Variants in NECTIN1 observed in about 807,000 individuals in gnomAD.
NECTIN1 encodes the protein nectin-1.
A neutral mutation model predicts 48.0 loss-of-function variants in NECTIN1; 23 were observed. That is an observed-to-expected ratio of 0.48 (90% CI 0.34 to 0.68). NECTIN1 has a LOEUF of 0.68. Ranked by LOEUF, NECTIN1 falls within the 30% of genes least tolerant of loss-of-function variation. The pLI, the probability that NECTIN1 is intolerant of heterozygous loss-of-function variation, is 0.01. For synonymous variants in NECTIN1, 270 were observed against 288.9 expected, an observed-to-expected ratio of 0.93 and a Z score of 0.66; for missense variants, 591 against 709.9, an observed-to-expected ratio of 0.83 and a Z score of 1.90.
intron 1 of NECTIN1, among the ~76,000 whole-genome samples, chr11:119,692,136 A>G (rs901207829): frequency 3.3e-5 from 5 of 152,042 alleles, no homozygotes; most frequent in Admixed American, 3.3e-4. Flanking sequence ...CCCTCTGCCC[A>G]ACACGAATCT....
At position 119,664,289 on chromosome 11, in the gene NECTIN1, G is replaced by C. The variant is rs1013700590; in HGVS notation, c.*458C>G. On this transcript the variant is annotated 3_prime_UTR_variant, in exon 6 of 6. Transcript: ENST00000264025. ...GTGGGTGTTGGGTTCCCTCTAGCCGGGAGGAGGAGCAGCATCTGGGGGTGT... is the reference window on the plus strand; with the variant it reads ...GTGGGTGTTGGGTTCCCTCTAGCCGCGAGGAGGAGCAGCATCTGGGGGTGT... The C allele has an allele frequency of 1.0e-5, 10 of 998,658 alleles. No homozygotes were observed. In the Admixed American group the frequency reaches 2.7e-4, roughly 27 times the overall value. 61.9% of individuals were successfully genotyped at this position (998,658 alleles called of 1,614,324 possible). A position where few individuals can be genotyped will look rare whatever the true frequency, so the allele number is the denominator to read the frequency against.
rs938132975 is a variant in NECTIN1, at chr11:119,709,116, C to T, written c.79+19359G>A. 2.6e-5 allele frequency among the ~76,000 whole-genome samples: 4 copies of T among 152,054 alleles called. No individual in the cohort carries two copies. The highest frequency in any genetic ancestry group is 4.8e-5 in the African/African-American group (2 of 41,370). On this transcript the variant is annotated intron_variant, in intron 1 of 5. Transcript: ENST00000264025. This position sits in a 1 kb window ranked among gnomAD's most constrained non-coding sequence, Gnocchi z 4.1. ...CTGCATGAGATGCCTGGGACCAGAG[C>T]GACAGACGGTCACCTGACAAGCCAC...
chr11:119,661,583 G>A lies in NECTIN1; in HGVS notation c.*3164C>T, dbSNP rs1864666185. 1.0e-6 allele frequency: 1 copy of A among 985,746 alleles called. No individual in the cohort carries two copies. Among genetic ancestry groups the A allele is most frequent in the African/African-American group, 1.7e-5 (1 of 57,232 alleles). The allele number at this position is 985,746 out of a possible 1,614,324, so 61.1% of individuals were successfully genotyped here. On this transcript the variant is annotated 3_prime_UTR_variant, in exon 6 of 6. Transcript: ENST00000264025. ...ATCCGTGTCTGCTTGGCTCAGCAGA[G>A]CTGCCCACACCCACCTAACACAATT... is the stretch of plus-strand genomic sequence containing the variant.
rs747991137 is a variant in NECTIN1, at chr11:119,727,746, C to G, written c.79+729G>C. Among the ~76,000 whole-genome samples, 1 of 152,176 alleles carries G rather than the reference C, an allele frequency of 6.6e-6. No homozygotes were observed. Among genetic ancestry groups the G allele is most frequent in the Non-Finnish European group, 1.5e-5 (1 of 68,040 alleles). ...CGAGGAAGGACACGCGGGGCACCCT[C>G]GGGAAAGTGGGTCATGCAGCTACTT... On this transcript the variant is annotated intron_variant, in intron 1 of 5. Coordinates refer to ENST00000264025, the MANE Select transcript of NECTIN1 (RefSeq NM_002855.5). This position sits in a 1 kb window ranked among gnomAD's most constrained non-coding sequence, Gnocchi z 4.1.
intron 5 of NECTIN1, chr11:119,642,138 G>A (rs998953049): frequency 6.6e-6 from 1 of 150,722 alleles, no homozygotes; most frequent in Non-Finnish European, 1.5e-5. Context: ...AATGAATGAA[G>A]GCTTGCCTGA....
intron 1 of NECTIN1, among the ~76,000 whole-genome samples, chr11:119,716,510 C>A (rs1395373456): frequency 1.3e-5 from 2 of 152,178 alleles, no homozygotes; most frequent in Non-Finnish European, 2.9e-5. Flanking sequence ...ACAGATACAC[C>A]CGCTGACACA....
At chr11:119,645,593 T>C (rs889053735) in intron 5 of NECTIN1, among the ~76,000 whole-genome samples, 1 of 152,196 alleles carries the variant, frequency 6.6e-6, no homozygotes, top group East Asian at 1.9e-4. Flanking sequence ...CTCCTCAGCC[T>C]GTCCCCCAAG....
At chr11:119,651,493 G>T (rs964988066) in intron 5 of NECTIN1, among the ~76,000 whole-genome samples, 1 of 152,126 alleles carries the variant, frequency 6.6e-6, no homozygotes, top group Non-Finnish European at 1.5e-5. Flanking sequence ...GACATGGGGA[G>T]CCTGCTCCTA....
At chr11:119,644,278 T>C (rs1252146468) in intron 5 of NECTIN1, among the ~76,000 whole-genome samples, 1 of 152,198 alleles carries the variant, frequency 6.6e-6, no homozygotes, top group Admixed American at 6.5e-5. Flanking sequence ...CGCGTGCTAC[T>C]GGGGCTTCTC....
At chr11:119,708,735 T>C (rs540801821) in intron 1 of NECTIN1, among the ~76,000 whole-genome samples, 18 of 152,236 alleles carry the variant, frequency 1.2e-4, no homozygotes, top group African/African-American at 3.6e-4. Flanking sequence ...CTGACTCGTA[T>C]ACTTCAGGAG....
At chr11:119,685,594 G>A (rs948524019) in intron 1 of NECTIN1, among the ~76,000 whole-genome samples, 1 of 152,212 alleles carries the variant, frequency 6.6e-6, no homozygotes, top group Non-Finnish European at 1.5e-5. Flanking sequence ...AGGACACCTG[G>A]ATTCTGTCCT....
intron 1 of NECTIN1, among the ~76,000 whole-genome samples, chr11:119,715,277 C>A (rs1466544499): frequency 6.6e-6 from 1 of 152,210 alleles, no homozygotes. Context: ...AGGGAGGTAC[C>A]TTCAGCTGCA....
At position 119,672,917 on chromosome 11, in the gene NECTIN1, G is replaced by A. The variant is rs1864883203; in HGVS notation, c.1003+2242C>T. Among the ~76,000 whole-genome samples the A allele has an allele frequency of 6.6e-6, 1 of 152,180 alleles. No homozygotes were observed. The highest frequency in any genetic ancestry group is 1.5e-5 in the Non-Finnish European group (1 of 68,038). The stretch of plus-strand genomic sequence containing the variant: ...CCCAGCACACACGTGTTCTGCATAT[G>A]CGTGTCCCTCCAGCACACCCCCTGC... On this transcript the variant is annotated intron_variant, in intron 5 of 5. Coordinates refer to ENST00000264025, the MANE Select transcript of NECTIN1 (RefSeq NM_002855.5). This position sits in a 1 kb window ranked among gnomAD's most constrained non-coding sequence, Gnocchi z 4.3.
In NECTIN1 at chr11:119,712,740, G is replaced by A. The variant is rs565971138; in HGVS notation, c.79+15735C>T. ...GCCTGACCTTTAACGGAAGCATCCC[G>A]GAGTTAGAGATGAAAAATGCCCAGC... On this transcript the variant is annotated intron_variant, in intron 1 of 5. Transcript: ENST00000264025. Among the ~76,000 whole-genome samples, 30 of 152,266 alleles carry A rather than the reference G, an allele frequency of 2.0e-4. No individual in the cohort carries two copies. In the South Asian group the frequency reaches 5.2e-3, roughly 26 times the overall value.
intron 6 of NECTIN1, chr11:119,638,861 C>A: frequency 6.8e-7 from 1 of 1,472,374 alleles, no homozygotes. Flanking sequence ...GGGCTCTCCC[C>A]ATCAGGCCAC....
chr11:119,724,283 G>A (rs1865875323), intron 1 of NECTIN1, among the ~76,000 whole-genome samples: 1 of 152,128 alleles, frequency 6.6e-6, no homozygotes, highest in African/African-American at 2.4e-5. Context: ...GAGAACTCGT[G>A]GGGCAGGCCA....
rs755401864 is a variant in NECTIN1, at chr11:119,665,240, G to A, written c.1061C>T (p.Thr354Met). The A allele has an allele frequency of 1.0e-5, 16 of 1,600,882 alleles. No homozygotes were observed. The highest frequency in any genetic ancestry group is 1.6e-4 in the Middle Eastern group (1 of 6,074). Residue 354 changes from threonine to methionine, a missense_variant, in exon 6 of 6, where the codon ACG becomes ATG. Thr to Met is a moderately conservative substitution (Grantham distance 81). Transcript: ENST00000264025. The surrounding 1 kb of genome is among the most constrained non-coding windows in gnomAD (Gnocchi z 5.1). Reference sequence around the variant, plus strand: ...CCCCGCCACGCCCCCAATGATGGCCGTGGGCACCGGCCCGGCGCGCCGCCC... The same window carrying A: ...CCCCGCCACGCCCCCAATGATGGCCATGGGCACCGGCCCGGCGCGCCGCCC... ...EHGRRAGPVP[T>M]AIIGGVAGSI...
At chr11:119,719,877 C>CG (rs925571196) in intron 1 of NECTIN1, among the ~76,000 whole-genome samples, 1 of 152,066 alleles carries the variant, frequency 6.6e-6, no homozygotes, top group Non-Finnish European at 1.5e-5. Context: ...CCTTAGCTTG[C>CG]GGGGGGAGCG....
chr11:119,658,091 G>A (rs564071971), downstream of NECTIN1, among the ~76,000 whole-genome samples: 141 of 152,264 alleles, frequency 9.3e-4, no homozygotes, highest in African/African-American at 3.2e-3. Flanking sequence ...TGTTGATGAT[G>A]CCCTGCGGCT....
Sources: gnomAD v4.1 joint callset for allele counts (sites outside exome capture counted in the v4.1 genomes callset) on GRCh38, gnomAD v4.1.1 for gene constraint, Gnocchi (gnomAD v3.1) non-coding constraint, MANE v1.5 for transcripts, NCBI Gene and HGNC (gene_info 2026-07-23, HGNC 2026-07-21) for gene names.